ARMC9: variants seen among roughly 807,000 people sequenced by gnomAD.
ARMC9 encodes the protein armadillo repeat containing 9, also known as lisH domain-containing protein ARMC9.
A neutral mutation model predicts 107.0 loss-of-function variants in ARMC9; 94 were observed. That is an observed-to-expected ratio of 0.88 (90% CI 0.74 to 1.04). ARMC9 has a LOEUF of 1.04. ARMC9 is among the 50% of genes least tolerant of loss of function. The pLI is 0.00. For synonymous variants in ARMC9, 380 were observed against 396.9 expected (o/e 0.96, Z 0.51); for missense variants, 942 against 1,030.1 (o/e 0.91, Z 1.17).
At chr2:231,367,130 G>A (rs1040253456) in intron 23 of ARMC9, among the ~76,000 whole-genome samples, 89 of 152,120 alleles carry the variant, frequency 5.9e-4, no homozygotes, top group African/African-American at 2.0e-3. Flanking sequence ...GATTACAGGC[G>A]TGAGCCACCA....
At chr2:231,225,344 A>G (rs2034541120) in intron 6 of ARMC9, among the ~76,000 whole-genome samples, 1 of 152,214 alleles carries the variant, frequency 6.6e-6, no homozygotes, top group Non-Finnish European at 1.5e-5. Context: ...CCCAAGAGCT[A>G]TATACCCTAG....
At chr2:231,256,049 A>G (rs1221979829) in intron 9 of ARMC9, 1 of 1,511,162 alleles carries the variant, frequency 6.6e-7, no homozygotes, top group Non-Finnish European at 8.8e-7. Flanking sequence ...CAAAAAAAAC[A>G]AAAACAAAAA....
intron 21 of ARMC9, among the ~76,000 whole-genome samples, chr2:231,353,980 T>TATAC (rs1395992147): frequency 0.015 from 2,075 of 135,260 alleles, 57 homozygotes; most frequent in African/African-American, 0.062. Context: ...TATGTATATA[T>TATAC]ACACACACAC....
At chr2:231,251,537 A>T (rs115667239) in intron 9 of ARMC9, among the ~76,000 whole-genome samples, 140 of 152,278 alleles carry the variant, frequency 9.2e-4, no homozygotes, top group African/African-American at 3.2e-3. Context: ...CATTATGCAG[A>T]TGAGGAAACT....
In ARMC9 at chr2:231,358,584, G is replaced by GA. The variant is rs1195621952; in HGVS notation, c.2132-2169dup. Among the ~76,000 whole-genome samples the GA allele has an allele frequency of 2.0e-5, 3 of 152,178 alleles. No individual in the cohort carries two copies. The highest frequency in any genetic ancestry group is 7.2e-5 in the African/African-American group (3 of 41,436). ...GTCTCCTTGCACACAGCTCGCTGCTGAGTCTGGCCTGTGCTGGGAACTAAC... is the reference window on the plus strand; with the variant it reads ...GTCTCCTTGCACACAGCTCGCTGCTGAAGTCTGGCCTGTGCTGGGAACTAAC... On this transcript the variant is annotated intron_variant, in intron 22 of 24. Coordinates refer to ENST00000611582, the MANE Select transcript of ARMC9 (RefSeq NM_001352754.2). This position sits in a 1 kb window ranked among gnomAD's most constrained non-coding sequence, Gnocchi z 4.5.
At chr2:231,326,323 G>A (rs2043314377) in intron 19 of ARMC9, among the ~76,000 whole-genome samples, 1 of 152,224 alleles carries the variant, frequency 6.6e-6, no homozygotes, top group Non-Finnish European at 1.5e-5. Context: ...GATGTAAAGT[G>A]CTATGGAAAT....
At chr2:231,304,037 C>T (rs1266079906) in intron 19 of ARMC9, among the ~76,000 whole-genome samples, 2 of 152,138 alleles carry the variant, frequency 1.3e-5, no homozygotes, top group South Asian at 2.1e-4. Flanking sequence ...CAAGACCATC[C>T]TGGCCAACAT....
intron 20 of ARMC9, among the ~76,000 whole-genome samples, chr2:231,335,842 G>A (rs960648805): frequency 1.1e-4 from 17 of 152,280 alleles, no homozygotes; most frequent in African/African-American, 4.1e-4. Context: ...TTTGAGAGAC[G>A]AGGTGGGAGG....
intron 21 of ARMC9, among the ~76,000 whole-genome samples, chr2:231,353,218 C>T (rs912692370): frequency 1.1e-4 from 14 of 130,438 alleles, no homozygotes; most frequent in Middle Eastern, 3.5e-3. Flanking sequence ...GACAGAGTCT[C>T]GCTCTGTCAG....
At chr2:231,218,525 A>G (rs1335735001) in intron 5 of ARMC9, among the ~76,000 whole-genome samples, 2 of 152,156 alleles carry the variant, frequency 1.3e-5, no homozygotes, top group Non-Finnish European at 2.9e-5. Context: ...GTGGCAGTAG[A>G]GCTGGCAGAA....
intron 21 of ARMC9, among the ~76,000 whole-genome samples, chr2:231,347,370 C>G (rs1477412149): frequency 6.6e-6 from 1 of 152,190 alleles, no homozygotes; most frequent in African/African-American, 2.4e-5. Flanking sequence ...AGATGTGACT[C>G]CCTGCCCTCA....
intron 12 of ARMC9, 128 bp downstream of exon 12, chr2:231,262,526 C>T (rs892460628): frequency 2.2e-5 from 20 of 913,344 alleles, no homozygotes; most frequent in African/African-American, 3.3e-5. Flanking sequence ...GCCTTGAGCT[C>T]ATGAGGTTCT....
intron 17 of ARMC9, among the ~76,000 whole-genome samples, chr2:231,287,584 A>G (rs12622630): frequency 0.25 from 38,536 of 151,750 alleles, 5,219 homozygotes; most frequent in Non-Finnish European, 0.29. Flanking sequence ...GGGTCTCACT[A>G]TGTCACCAGG....
intron 19 of ARMC9, among the ~76,000 whole-genome samples, chr2:231,311,770 CAAAAAAAAAAAAA>C (rs56713732): frequency 4.9e-5 from 3 of 60,640 alleles, no homozygotes; most frequent in East Asian, 4.5e-4. Flanking sequence ...ACTCCATCGC[CAAAAAAAAAAAAA>C]AAAAAAAAAA....
In ARMC9 at chr2:231,206,251, C is replaced by G. The variant is rs376958829; in HGVS notation, c.13C>G (p.Leu5Val). MGDI[L>V]AHESELLGLV... Reference sequence around the variant, plus strand: ...GTAACAGTTCAATATGGGGGACATTCTGGCTCATGAATCTGAATTACTTGG... The same window carrying G: ...GTAACAGTTCAATATGGGGGACATTGTGGCTCATGAATCTGAATTACTTGG... Residue 5 changes from leucine (L) to valine (V), a missense_variant, in exon 2 of 25, where the codon CTG (leucine) becomes GTG (valine). Transcript: ENST00000611582. The G allele has an allele frequency of 5.0e-5, 80 of 1,613,800 alleles. No individual in the cohort carries two copies. In the African/African-American group the frequency reaches 9.7e-4, roughly 20 times the overall value.
At chr2:231,269,964 A>C (rs2039181911) in intron 12 of ARMC9, among the ~76,000 whole-genome samples, 1 of 127,026 alleles carries the variant, frequency 7.9e-6, no homozygotes, top group African/African-American at 3.0e-5. Context: ...ATTTGGAGTG[A>C]AGGGGACCAC....
chr2:231,331,194 A>G (rs1359969305), intron 19 of ARMC9, among the ~76,000 whole-genome samples: 1 of 152,184 alleles, frequency 6.6e-6, no homozygotes, highest in East Asian at 1.9e-4. Flanking sequence ...TTGGGTCTCA[A>G]GGCCCCTAGG....
chr2:231,315,474 G>A (rs2042615815), intron 19 of ARMC9, among the ~76,000 whole-genome samples: 1 of 148,932 alleles, frequency 6.7e-6, no homozygotes, highest in Non-Finnish European at 1.5e-5. Context: ...TGCAGGCAGA[G>A]GTTACAGTGA....
intron 19 of ARMC9, among the ~76,000 whole-genome samples, chr2:231,327,423 A>G (rs1229606979): frequency 3.3e-5 from 5 of 152,182 alleles, no homozygotes; most frequent in African/African-American, 9.7e-5. Context: ...TGTTATAGAA[A>G]TGGAATCATA....
Sources: gnomAD v4.1 joint callset for allele counts (sites outside exome capture counted in the v4.1 genomes callset) on GRCh38, gnomAD v4.1.1 for gene constraint, Gnocchi (gnomAD v3.1) non-coding constraint, MANE v1.5 for transcripts, NCBI Gene and HGNC (gene_info 2026-07-23, HGNC 2026-07-21) for gene names.